HLF: variants seen among roughly 807,000 people sequenced by gnomAD.
The protein encoded by HLF is HLF transcription factor, PAR bZIP family member.
A neutral mutation model predicts 22.6 loss-of-function variants in HLF; 3 were observed. The ratio of observed to expected loss-of-function variants is 0.13; its 90% CI spans 0.06 to 0.34. HLF has a LOEUF of 0.34. Ranked by LOEUF, HLF falls within the 10% of genes least tolerant of loss-of-function variation. The pLI is 1.00. For synonymous variants in HLF, 151 were observed against 151.8 expected, an observed-to-expected ratio of 0.99 and a Z score of 0.04; for missense variants, 299 against 389.2, an observed-to-expected ratio of 0.77 and a Z score of 1.95.
Position 55,307,846 on chromosome 17 carries a change from AC to A in HLF, c.452-7380del, listed in dbSNP as rs920019475. 1.7e-4 allele frequency among the ~76,000 whole-genome samples: 26 copies of A among 149,806 alleles called. 1 individual carries two copies. Among genetic ancestry groups the A allele is most frequent in the Admixed American group, 1.5e-3 (23 of 15,002 alleles). On this transcript the variant is annotated intron_variant, in intron 2 of 3. Coordinates refer to ENST00000226067, the MANE Select transcript of HLF (RefSeq NM_002126.5). ...TAAATATTGTAAAAAAAAAAAAAAA[AC>A]ATCAAACAGAGTTGTTTGATGGGTA...
rs1453569030 is a variant in HLF, at chr17:55,323,617, A to T, written c.*2738A>T. The T allele has an allele frequency of 8.8e-6, 2 of 227,678 alleles. No individual in the cohort carries two copies. Among genetic ancestry groups the T allele is most frequent in the East Asian group, 1.3e-4 (2 of 15,888 alleles). The allele number at this position is 227,678 out of a possible 1,614,324, so 14.1% of individuals were successfully genotyped here. On this transcript the variant is annotated 3_prime_UTR_variant, in exon 4 of 4. Coordinates refer to ENST00000226067, the MANE Select transcript of HLF (RefSeq NM_002126.5). ...ACTTTGGAGTCTGTACAGGTGCCTT[A>T]TATGTAGGTCATTGTCACGATACAC...
chr17:55,295,860 G>A (rs146086342), intron 2 of HLF, among the ~76,000 whole-genome samples: 53 of 152,262 alleles, frequency 3.5e-4, no homozygotes, highest in African/African-American at 1.3e-3. Context: ...GGAGGAGGAG[G>A]GGGAGGCCAG....
intron 3 of HLF, among the ~76,000 whole-genome samples, chr17:55,317,906 C>CTTGAT (rs1446737882): frequency 6.6e-6 from 1 of 152,112 alleles, no homozygotes; most frequent in African/African-American, 2.4e-5. Flanking sequence ...ATTTAATTAC[C>CTTGAT]TTGATTTTTT....
At chr17:55,280,664 T>C (rs990408946) in intron 2 of HLF, among the ~76,000 whole-genome samples, 19 of 149,628 alleles carry the variant, frequency 1.3e-4, no homozygotes, top group Non-Finnish European at 2.5e-4. Flanking sequence ...CTAGTTGTTG[T>C]TGATGGGCTC....
chr17:55,270,281 C>G (rs2080839915), intron 2 of HLF, among the ~76,000 whole-genome samples: 3 of 152,154 alleles, frequency 2.0e-5, no homozygotes, highest in Admixed American at 2.0e-4. Flanking sequence ...ACATAGTTTC[C>G]TTCTTGGAGT....
intron 2 of HLF, among the ~76,000 whole-genome samples, chr17:55,282,593 T>C (rs548107620): frequency 1.3e-5 from 2 of 152,310 alleles, no homozygotes; most frequent in East Asian, 3.9e-4. Context: ...AGTCAGCCAA[T>C]CTAGGTTCTA....
intron 1 of HLF, chr17:55,266,116 A>C (rs1299882603): frequency 7.7e-6 from 1 of 129,326 alleles, no homozygotes; most frequent in Admixed American, 9.8e-5. Flanking sequence ...GTGAGAGAAG[A>C]CTCGTTTTCT....
intron 2 of HLF, among the ~76,000 whole-genome samples, chr17:55,269,081 A>G (rs1376567450): frequency 6.6e-6 from 1 of 152,214 alleles, no homozygotes; most frequent in Non-Finnish European, 1.5e-5. Context: ...GACAATGCGA[A>G]ACTTGTGCTA....
At chr17:55,307,905 G>A (rs1165933000) in intron 2 of HLF, among the ~76,000 whole-genome samples, 3 of 152,056 alleles carry the variant, frequency 2.0e-5, no homozygotes, top group Admixed American at 1.3e-4. Context: ...CAGAGGGTTC[G>A]AGGAATTGGC....
At position 55,267,958 on chromosome 17, in the gene HLF, C is replaced by T. The variant is rs1322373632; in HGVS notation, c.323C>T (p.Pro108Leu). 1 of 1,614,076 alleles carries T rather than the reference C, an allele frequency of 6.2e-7. No homozygotes were observed. The highest frequency in any genetic ancestry group is 1.7e-5 in the Admixed American group (1 of 60,014). ...AGCCCATCTCAGCATGACCACAGCCCTCACCCTCCTGGGCTGCAGCCAGCT... is the reference window on the plus strand; with the variant it reads ...AGCCCATCTCAGCATGACCACAGCCTTCACCCTCCTGGGCTGCAGCCAGCT... ...PPSPSQHDHS[P>L]HPPGLQPASS... The change falls in exon 2 of 4, where the codon CCT becomes CTT. Residue 108 changes from proline to leucine, a missense_variant. This residue lies in a region of HLF where 224 missense variants were observed against 298.1 expected (regional missense o/e 0.75). Coordinates refer to ENST00000226067, the MANE Select transcript of HLF (RefSeq NM_002126.5).
chr17:55,265,784 G>A (rs2080782033), intron 1 of HLF, 185 bp downstream of exon 1: 1 of 1,332,426 alleles, frequency 7.5e-7, no homozygotes, highest in Non-Finnish European at 9.6e-7. Context: ...CCTCCTCCAT[G>A]AAAGGGGAGG....
intron 2 of HLF, among the ~76,000 whole-genome samples, chr17:55,300,594 C>T (rs1309058957): frequency 6.6e-6 from 1 of 152,228 alleles, no homozygotes; most frequent in Non-Finnish European, 1.5e-5. Flanking sequence ...TGAATGTCAA[C>T]ACCTCCTTTG....
At chr17:55,303,784 AG>A (rs1274862002) in intron 2 of HLF, among the ~76,000 whole-genome samples, 1 of 152,070 alleles carries the variant, frequency 6.6e-6, no homozygotes, top group Non-Finnish European at 1.5e-5. Flanking sequence ...AAATTCAGCG[AG>A]GGGGGTGAAT....
intron 2 of HLF, among the ~76,000 whole-genome samples, chr17:55,307,616 G>T (rs1904641823): frequency 6.6e-6 from 1 of 152,060 alleles, no homozygotes; most frequent in African/African-American, 2.4e-5. Context: ...ATTTGCCCCT[G>T]TTCCTCCCAA....
At position 55,265,167 on chromosome 17, in the gene HLF, T is replaced by A. The variant is rs1357926528; in HGVS notation, c.-318T>A. On this transcript the variant is annotated 5_prime_UTR_variant, in exon 1 of 4. Transcript: ENST00000226067. ...CGTCGACATTTTTTTTTCTTTCTTT[T>A]TTTCAATTTTGAACATTTTGCAAAA... 4.2e-6 allele frequency: 1 copy of A among 238,708 alleles called. No homozygotes were observed. The allele number at this position is 238,708 out of a possible 1,614,324, so 14.8% of individuals were successfully genotyped here. A position where few individuals can be genotyped will look rare whatever the true frequency, so the allele number is the denominator to read the frequency against.
intron 3 of HLF, among the ~76,000 whole-genome samples, chr17:55,316,812 C>A (rs8079861): frequency 6.6e-6 from 1 of 152,040 alleles, no homozygotes; most frequent in Non-Finnish European, 1.5e-5. Context: ...GGTAAAAACA[C>A]CAGAAAATCT....
intron 2 of HLF, among the ~76,000 whole-genome samples, chr17:55,275,906 C>A (rs1206099740): frequency 2.0e-5 from 3 of 152,164 alleles, no homozygotes; most frequent in African/African-American, 7.2e-5. Context: ...AGTTTGAGAG[C>A]AGCCTGGGCA....
chr17:55,308,087 G>A (rs544982902), intron 2 of HLF, among the ~76,000 whole-genome samples: 62 of 152,270 alleles, frequency 4.1e-4, no homozygotes, highest in African/African-American at 1.1e-3. Context: ...AGGTAGAGCC[G>A]TGGATCTGAT....
At chr17:55,319,806 A>G (rs1032234012) in intron 3 of HLF, among the ~76,000 whole-genome samples, 1 of 152,240 alleles carries the variant, frequency 6.6e-6, no homozygotes, top group Non-Finnish European at 1.5e-5. Context: ...TATAAAAGGT[A>G]GAAAGTCTTA....
Sources: gnomAD v4.1 joint callset for allele counts (sites outside exome capture counted in the v4.1 genomes callset) on GRCh38, gnomAD v4.1.1 for gene constraint, gnomAD v4.1.1 regional missense constraint, MANE v1.5 for transcripts, NCBI Gene and HGNC (gene_info 2026-07-23, HGNC 2026-07-21) for gene names.